The following HCN1 variants were observed in gnomAD, a reference collection of about 807,000 sequenced individuals.
HCN1 encodes hyperpolarization activated cyclic nucleotide gated potassium channel 1.
In HCN1, 13 loss-of-function variants were observed where a neutral mutation model predicts 78.9. The observed-to-expected ratio is 0.16, with a 90% CI of 0.11 to 0.26. The LOEUF is 0.26. Ranked by LOEUF, HCN1 falls within the 10% of genes least tolerant of loss-of-function variation. The pLI is 1.00. For synonymous variants in HCN1, 552 were observed against 455.5 expected, an observed-to-expected ratio of 1.21 and a Z score of -2.70; for missense variants, 810 against 1,154.3, an observed-to-expected ratio of 0.70 and a Z score of 4.32.
intron 5 of HCN1, among the ~76,000 whole-genome samples, chr5:45,348,892 A>G (rs2111976601): frequency 6.6e-6 from 1 of 152,326 alleles, no homozygotes; most frequent in African/African-American, 2.4e-5. Context: ...AGTGACCTAC[A>G]AAGAGACTTA....
At chr5:45,318,134 T>C (rs1416264860) in intron 5 of HCN1, among the ~76,000 whole-genome samples, 2 of 152,154 alleles carry the variant, frequency 1.3e-5, no homozygotes. Context: ...ATTGTGTCAC[T>C]ATTCACAATA....
intron 2 of HCN1, among the ~76,000 whole-genome samples, chr5:45,481,966 A>G (rs201432961): frequency 0.012 from 1,393 of 115,492 alleles, 23 homozygotes; most frequent in African/African-American, 0.057. Flanking sequence ...TAAAAGAAAA[A>G]CAAACAAAAA....
chr5:45,605,905 C>T (rs974651656), intron 2 of HCN1, among the ~76,000 whole-genome samples: 20 of 151,866 alleles, frequency 1.3e-4, no homozygotes, highest in Admixed American at 1.1e-3. Context: ...AAAGAAAGAG[C>T]TAAATTAACA....
In HCN1 at chr5:45,259,768, C is replaced by A. The variant is rs924913240; in HGVS notation, c.*2153G>T. 1 of 152,318 alleles carries A rather than the reference C, an allele frequency of 6.6e-6. No individual in the cohort carries two copies. Among genetic ancestry groups the A allele is most frequent in the Non-Finnish European group, 1.5e-5 (1 of 67,930 alleles). 9.4% of individuals were successfully genotyped at this position (152,318 alleles called of 1,614,324 possible). On this transcript the variant is annotated 3_prime_UTR_variant, in exon 8 of 8. Transcript: ENST00000303230. ...TATAAAAATATTTCACTACCAAATCCATTAATCCTATCAAATGTAAACCTT... is the reference window on the plus strand; with the variant it reads ...TATAAAAATATTTCACTACCAAATCAATTAATCCTATCAAATGTAAACCTT...
At position 45,637,496 on chromosome 5, in the gene HCN1, A is replaced by G. The variant is rs144484275; in HGVS notation, c.849+7689T>C. Among the ~76,000 whole-genome samples the G allele has an allele frequency of 9.0e-4, 137 of 151,620 alleles. 2 individuals carry two copies. Among genetic ancestry groups the G allele is most frequent in the Middle Eastern group, 6.8e-3 (2 of 294 alleles). On this transcript the variant is annotated intron_variant, in intron 2 of 7. Transcript: ENST00000303230. Reference sequence around the variant, plus strand: ...ATGATATCTGCCCTTTTGGAATCTAATATGTAATTGTAAAGGCACAGATTT... The same window carrying G: ...ATGATATCTGCCCTTTTGGAATCTAGTATGTAATTGTAAAGGCACAGATTT...
chr5:45,380,229 C>CA (rs1056444637), intron 4 of HCN1, among the ~76,000 whole-genome samples: 23 of 152,020 alleles, frequency 1.5e-4, no homozygotes, highest in African/African-American at 4.1e-4. Context: ...ACTGTGTCCT[C>CA]AGATAATTGA....
In HCN1 at chr5:45,389,542, A is replaced by T. The variant is rs980645721; in HGVS notation, c.1230+6950T>A. Among the ~76,000 whole-genome samples the T allele has an allele frequency of 3.5e-4, 54 of 152,276 alleles. 2 individuals are homozygous for T. The highest frequency in any genetic ancestry group is 7.2e-5 in the African/African-American group (3 of 41,574). On this transcript the variant is annotated intron_variant, in intron 4 of 7. Transcript: ENST00000303230. ...GAGGAGGTACCATGTCTACTTGCTC[A>T]CTATGTGCCTAGCATCTGGTAGTAG...
chr5:45,660,734 A>C (rs1443972144), intron 1 of HCN1, among the ~76,000 whole-genome samples: 1 of 128,382 alleles, frequency 7.8e-6, no homozygotes, highest in South Asian at 2.9e-4. Context: ...TAAAGGGATC[A>C]ATTCAACAAG....
intron 3 of HCN1, among the ~76,000 whole-genome samples, chr5:45,398,710 C>T (rs1213312681): frequency 4.6e-5 from 7 of 152,062 alleles, no homozygotes; most frequent in Non-Finnish European, 1.0e-4. Context: ...TATTGTATTG[C>T]TATATTTTTA....
intron 2 of HCN1, among the ~76,000 whole-genome samples, chr5:45,544,969 T>A (rs1199821732): frequency 6.6e-6 from 1 of 152,138 alleles, no homozygotes; most frequent in African/African-American, 2.4e-5. Flanking sequence ...ATACCAGTAA[T>A]GGGATGGCTG....
At position 45,695,687 on chromosome 5, in the gene HCN1, T is replaced by G; in HGVS notation, c.407A>C (p.His136Pro). The stretch of plus-strand genomic sequence containing the variant: ...CCCTCACCTGAAATCACTGTAAGGG[T>G]GGATAATCCAGAAGCCTGCAGTTTT... The part of the protein sequence containing the change: ...RVKTAGFWII[H>P]PYSDFRFYWD... The change falls in exon 1 of 8, where the codon CAC (histidine) becomes CCC (proline). Residue 136 changes from histidine (H) to proline (P), a missense_variant. Around this residue, in one of 6 missense-constraint regions of HCN1, gnomAD observed 104 missense variants for 402.8 expected, o/e 0.26. Coordinates refer to ENST00000303230, the MANE Select transcript of HCN1 (RefSeq NM_021072.4). The G allele has an allele frequency of 6.2e-7, 1 of 1,612,090 alleles. No homozygotes were observed. The highest frequency in any genetic ancestry group is 8.5e-7 in the Non-Finnish European group (1 of 1,179,508).
At chr5:45,315,183 AT>A (rs1745955378) in intron 5 of HCN1, among the ~76,000 whole-genome samples, 1 of 152,222 alleles carries the variant, frequency 6.6e-6, no homozygotes, top group African/African-American at 2.4e-5. Context: ...TCCTCAGCAA[AT>A]GTAAAAGAAC....
intron 2 of HCN1, among the ~76,000 whole-genome samples, chr5:45,505,310 T>G (rs1031877363): frequency 6.6e-6 from 1 of 152,200 alleles, no homozygotes; most frequent in African/African-American, 2.4e-5. Context: ...AGTTTCAGCT[T>G]TCTACATATG....
rs1326389954 is a variant in HCN1 at position 45,257,337 on chromosome 5, T to A, written c.*4584A>T. 6.6e-6 allele frequency: 1 copy of A among 152,204 alleles called. No individual in the cohort carries two copies. The highest frequency in any genetic ancestry group is 6.5e-5 in the Admixed American group (1 of 15,280). The allele number at this position is 152,204 out of a possible 1,614,324, so 9.4% of individuals were successfully genotyped here. A position where few individuals can be genotyped will look rare whatever the true frequency, so the allele number is the denominator to read the frequency against. The stretch of plus-strand genomic sequence containing the variant: ...TGCATTGAACTGCCAGTGTTCCCAA[T>A]CAGCTGTGCTCTGTTAAACATCCAC... On this transcript the variant is annotated 3_prime_UTR_variant, in exon 8 of 8. Transcript: ENST00000303230.
chr5:45,400,812 T>C (rs1457186580), intron 3 of HCN1, among the ~76,000 whole-genome samples: 1 of 152,200 alleles, frequency 6.6e-6, no homozygotes, highest in Non-Finnish European at 1.5e-5. Context: ...AAATCAGGTA[T>C]GGATCATTCT....
At chr5:45,498,649 A>C (rs994123661) in intron 2 of HCN1, among the ~76,000 whole-genome samples, 1 of 152,034 alleles carries the variant, frequency 6.6e-6, no homozygotes, top group Non-Finnish European at 1.5e-5. Context: ...CCTTTGGAGG[A>C]GGAGAGGTGC....
chr5:45,435,676 A>G (rs887032703), intron 3 of HCN1, among the ~76,000 whole-genome samples: 1 of 152,192 alleles, frequency 6.6e-6, no homozygotes, highest in East Asian at 1.9e-4. Context: ...ATCAATAAAG[A>G]GAAGAAGAAA....
At chr5:45,395,561 G>A (rs1394378271) in intron 4 of HCN1, among the ~76,000 whole-genome samples, 4 of 152,042 alleles carry the variant, frequency 2.6e-5, no homozygotes, top group African/African-American at 4.8e-5. Context: ...TGTAAATAAA[G>A]CAGTAACTGA....
At chr5:45,595,711 A>G (rs1744477603) in intron 2 of HCN1, among the ~76,000 whole-genome samples, 1 of 152,190 alleles carries the variant, frequency 6.6e-6, no homozygotes, top group Admixed American at 6.5e-5. Context: ...ATATGACTTT[A>G]TAATTTTTAT....
Sources: gnomAD v4.1 joint callset for allele counts (sites outside exome capture counted in the v4.1 genomes callset) on GRCh38, gnomAD v4.1.1 for gene constraint, gnomAD v4.1.1 regional missense constraint, MANE v1.5 for transcripts, NCBI Gene and HGNC (gene_info 2026-07-23, HGNC 2026-07-21) for gene names.